The following SPOCK1 variants were observed in gnomAD, a reference collection of about 807,000 sequenced individuals.
SPOCK1 encodes SPARC (osteonectin), cwcv and kazal like domains proteoglycan 1, also known as testican-1.
Under a neutral mutation model 55.3 loss-of-function variants are expected in SPOCK1, and 23 were observed. The observed-to-expected ratio is 0.42, with a 90% CI of 0.30 to 0.59. The LOEUF is 0.59. Ranked by LOEUF, SPOCK1 falls within the 20% of genes least tolerant of loss-of-function variation. SPOCK1 has a pLI of 0.22. For synonymous variants in SPOCK1, 226 were observed against 221.0 expected (o/e 1.02, Z -0.20); for missense variants, 499 against 552.5 (o/e 0.90, Z 0.97).
intron 2 of SPOCK1, among the ~76,000 whole-genome samples, chr5:137,464,283 C>T (rs947964379): frequency 3.3e-5 from 5 of 152,108 alleles, no homozygotes; most frequent in African/African-American, 1.2e-4. Context: ...GCCTTAGTGA[C>T]AGAGCAAGAT....
In SPOCK1 at chr5:137,023,148, A is replaced by G. The variant is rs569887611; in HGVS notation, c.590-30548T>C. 1.3e-4 allele frequency among the ~76,000 whole-genome samples: 20 copies of G among 152,340 alleles called. No homozygotes were observed. The South Asian group carries it at 4.1e-3, about 32-fold the overall frequency. On this transcript the variant is annotated intron_variant, in intron 6 of 10. Coordinates refer to ENST00000394945, the MANE Select transcript of SPOCK1 (RefSeq NM_004598.4). ...TTCTTTGCCTCAATGTCTTCATCTTAAGAATGGGACTAAGAATACTATCTA... is the reference window on the plus strand; with the variant it reads ...TTCTTTGCCTCAATGTCTTCATCTTGAGAATGGGACTAAGAATACTATCTA...
At chr5:137,427,666 T>C (rs1752661265) in intron 2 of SPOCK1, among the ~76,000 whole-genome samples, 1 of 152,044 alleles carries the variant, frequency 6.6e-6, no homozygotes, top group Admixed American at 6.6e-5. Context: ...TCCCAGCACT[T>C]TGGGAGGCTG....
intron 3 of SPOCK1, among the ~76,000 whole-genome samples, chr5:137,196,360 C>G (rs560126751): frequency 6.6e-6 from 1 of 152,314 alleles, no homozygotes; most frequent in East Asian, 1.9e-4. Context: ...GAAAACCTTT[C>G]GGTGGGTTCC....
intron 3 of SPOCK1, among the ~76,000 whole-genome samples, chr5:137,235,883 C>T (rs1312964388): frequency 3.3e-5 from 5 of 152,192 alleles, no homozygotes; most frequent in Admixed American, 6.6e-5. Flanking sequence ...GGGGTGTATA[C>T]ATGAACATGA....
intron 3 of SPOCK1, among the ~76,000 whole-genome samples, chr5:137,166,615 T>C (rs763735845): frequency 2.0e-5 from 3 of 151,996 alleles, no homozygotes; most frequent in Non-Finnish European, 2.9e-5. Context: ...CTACAACAAC[T>C]TTTCAAGACA....
At chr5:136,984,535 C>A (rs1304410152) in intron 9 of SPOCK1, among the ~76,000 whole-genome samples, 2 of 152,182 alleles carry the variant, frequency 1.3e-5, no homozygotes, top group African/African-American at 2.4e-5. Flanking sequence ...TGGAGAAAGG[C>A]AGGCTTGGAG....
chr5:137,134,703 C>T (rs10035913), intron 4 of SPOCK1, among the ~76,000 whole-genome samples: 34,990 of 152,200 alleles, frequency 0.23, 4,430 homozygotes, highest in Non-Finnish European at 0.28. Context: ...TTCCAAACCT[C>T]GACAGCTATG....
chr5:137,067,756 A>G lies in SPOCK1; in HGVS notation c.548T>C (p.Leu183Pro). ...GTGCTTTGGTGGCTCAGGCTCTGGG[A>G]GACAGGGACAGGGCCCATCACAGAG... ...ATLCDGPCPCLPEPEPPKHKA... is the reference protein window; with the variant it reads ...ATLCDGPCPCPPEPEPPKHKA... The change falls in exon 6 of 11, where the codon CTC becomes CCC. Residue 183 changes from leucine to proline, a missense_variant. Around this residue, in one of 3 missense-constraint regions of SPOCK1, gnomAD observed 386 missense variants for 400.6 expected, o/e 0.96. Transcript: ENST00000394945. 3 of 1,614,144 alleles carry G rather than the reference A, an allele frequency of 1.9e-6. No individual in the cohort carries two copies. The highest frequency in any genetic ancestry group is 3.3e-4 in the Middle Eastern group (2 of 6,062).
At chr5:137,310,235 C>T (rs898381153) in intron 2 of SPOCK1, among the ~76,000 whole-genome samples, 9 of 152,198 alleles carry the variant, frequency 5.9e-5, no homozygotes, top group African/African-American at 2.2e-4. Flanking sequence ...CTTAACACAG[C>T]TCCCAGCATG....
chr5:136,995,395 C>A (rs1339970014), intron 6 of SPOCK1, among the ~76,000 whole-genome samples: 1 of 152,166 alleles, frequency 6.6e-6, no homozygotes, highest in East Asian at 1.9e-4. Context: ...CAAGGCAGAT[C>A]CTCAGGAGCA....
At chr5:137,368,125 C>T (rs1561517095) in intron 2 of SPOCK1, among the ~76,000 whole-genome samples, 1 of 152,238 alleles carries the variant, frequency 6.6e-6, no homozygotes, top group Non-Finnish European at 1.5e-5. Flanking sequence ...CATTCCCCCT[C>T]AAACATCTGT....
intron 4 of SPOCK1, among the ~76,000 whole-genome samples, chr5:137,135,883 T>C (rs1185865626): frequency 6.6e-6 from 1 of 152,258 alleles, no homozygotes; most frequent in Non-Finnish European, 1.5e-5. Context: ...GTCTACTCAT[T>C]CATCTCTTGT....
intron 2 of SPOCK1, among the ~76,000 whole-genome samples, chr5:137,449,141 T>C (rs1753195995): frequency 6.6e-6 from 1 of 152,250 alleles, no homozygotes; most frequent in Admixed American, 6.5e-5. Flanking sequence ...GCCCTGGCAC[T>C]CTTTCCAGCC....
chr5:137,158,952 A>G (rs1292664249), intron 3 of SPOCK1, among the ~76,000 whole-genome samples: 1 of 152,200 alleles, frequency 6.6e-6, no homozygotes, highest in East Asian at 1.9e-4. Flanking sequence ...TCCCAGCTCC[A>G]GTAACAGGAA....
chr5:137,355,488 C>T (rs1750772658), intron 2 of SPOCK1, among the ~76,000 whole-genome samples: 1 of 152,136 alleles, frequency 6.6e-6, no homozygotes, highest in Non-Finnish European at 1.5e-5. Context: ...CACACCCAGT[C>T]CTGACTCTAA....
At chr5:137,262,245 A>C (rs1677765221) in intron 3 of SPOCK1, among the ~76,000 whole-genome samples, 2 of 152,066 alleles carry the variant, frequency 1.3e-5, no homozygotes, top group South Asian at 4.2e-4. Flanking sequence ...AAGTCATCTC[A>C]CTTAAAGGCA....
intron 3 of SPOCK1, among the ~76,000 whole-genome samples, chr5:137,237,897 G>A (rs776782954): frequency 1.3e-5 from 2 of 152,122 alleles, no homozygotes; most frequent in Non-Finnish European, 2.9e-5. Flanking sequence ...ACACTTGAAG[G>A]CACTGCTTCA....
intron 2 of SPOCK1, among the ~76,000 whole-genome samples, chr5:137,444,748 G>T (rs1753086827): frequency 1.3e-5 from 2 of 152,152 alleles, no homozygotes; most frequent in Non-Finnish European, 2.9e-5. Flanking sequence ...ATTGACATGA[G>T]TGTGCACGCA....
At chr5:137,228,216 G>A (rs1440697026) in intron 3 of SPOCK1, among the ~76,000 whole-genome samples, 1 of 152,180 alleles carries the variant, frequency 6.6e-6, no homozygotes, top group East Asian at 1.9e-4. Context: ...GGCTGTCATT[G>A]TACACAGTTT....
Sources: allele counts gnomAD v4.1 joint callset (sites outside exome capture counted in the v4.1 genomes callset), GRCh38; gene constraint gnomAD v4.1.1; regional missense constraint gnomAD v4.1.1; transcripts MANE v1.5; gene names NCBI Gene and HGNC (gene_info 2026-07-23, HGNC 2026-07-21).